Variants in DPYD observed in about 807,000 individuals in gnomAD.
DPYD encodes dihydropyrimidine dehydrogenase.
In DPYD, 109 loss-of-function variants were observed where a neutral mutation model predicts 116.2. The observed-to-expected ratio is 0.94, with a 90% CI of 0.80 to 1.10. DPYD has a LOEUF of 1.10. Ranked by LOEUF, DPYD falls within the 50% of genes least tolerant of loss-of-function variation. The pLI is 0.00. For synonymous variants in DPYD, 440 were observed against 432.0 expected (o/e 1.02, Z -0.23); for missense variants, 1,302 against 1,254.5 (o/e 1.04, Z -0.57).
At chr1:97,426,346 T>A (rs1674864549) in intron 14 of DPYD, among the ~76,000 whole-genome samples, 1 of 152,034 alleles carries the variant, frequency 6.6e-6, no homozygotes, top group Non-Finnish European at 1.5e-5. Context: ...AACTAGAGGA[T>A]GATACGTGGT....
chr1:97,566,042 C>T (rs1652496550), intron 11 of DPYD, among the ~76,000 whole-genome samples: 1 of 152,118 alleles, frequency 6.6e-6, no homozygotes, highest in South Asian at 2.1e-4. Context: ...CATAATCTCC[C>T]TGTGGCTTCC....
intron 8 of DPYD, among the ~76,000 whole-genome samples, chr1:97,674,541 T>A (rs1660037541): frequency 1.3e-5 from 2 of 151,522 alleles, no homozygotes; most frequent in Admixed American, 1.3e-4. Context: ...AGATGAACAA[T>A]CAGAAAGAGA....
chr1:97,804,933 T>C lies in DPYD; in HGVS notation c.233+23181A>G, dbSNP rs142046193. Among the ~76,000 whole-genome samples the C allele has an allele frequency of 2.3e-3, 347 of 152,008 alleles. 3 individuals carry two copies. The highest frequency in any genetic ancestry group is 8.1e-3 in the African/African-American group (336 of 41,540). ...ATATGAGGTAGCTGCAATTCTATTA[T>C]GGTTTTATAAAAAAGATAAATACTA... On this transcript the variant is annotated intron_variant, in intron 3 of 22. Transcript: ENST00000370192.
chr1:97,409,688 C>T (rs1673866380), intron 14 of DPYD, among the ~76,000 whole-genome samples: 1 of 152,158 alleles, frequency 6.6e-6, no homozygotes, highest in Non-Finnish European at 1.5e-5. Context: ...ACTTGAGAGA[C>T]TCTACCTTGG....
intron 16 of DPYD, among the ~76,000 whole-genome samples, chr1:97,335,783 C>T (rs1230052901): frequency 6.6e-6 from 1 of 152,136 alleles, no homozygotes; most frequent in East Asian, 1.9e-4. Context: ...ACAGTTGCTG[C>T]TTTACTTCAA....
intron 16 of DPYD, among the ~76,000 whole-genome samples, chr1:97,359,286 C>A (rs1670589847): frequency 6.6e-6 from 1 of 152,088 alleles, no homozygotes; most frequent in South Asian, 2.1e-4. Flanking sequence ...ACGAACAAAG[C>A]CTCCAAGAAA....
intron 19 of DPYD, among the ~76,000 whole-genome samples, chr1:97,228,882 G>A (rs1298756555): frequency 6.6e-6 from 1 of 152,086 alleles, no homozygotes; most frequent in African/African-American, 2.4e-5. Flanking sequence ...GTATGAAAAA[G>A]ATTCGAACTA....
intron 7 of DPYD, chr1:97,691,303 A>C (rs909281145): frequency 1.8e-5 from 3 of 170,456 alleles, no homozygotes; most frequent in Non-Finnish European, 3.8e-5. Flanking sequence ...CACACTACTG[A>C]CATGATGAAT....
At chr1:97,192,945 A>C (rs776604742) in intron 20 of DPYD, 124 bp downstream of exon 20, 11 of 1,102,554 alleles carry the variant, frequency 1.0e-5, no homozygotes, top group Non-Finnish European at 1.5e-5. Context: ...GAGTCCACTG[A>C]AGAAATCACA....
At chr1:97,652,569 A>C (rs1323738548) in intron 8 of DPYD, among the ~76,000 whole-genome samples, 1 of 152,200 alleles carries the variant, frequency 6.6e-6, no homozygotes, top group Non-Finnish European at 1.5e-5. Flanking sequence ...GATCTGAAGA[A>C]TTCAGAGTAA....
chr1:97,634,778 C>G (rs1251301479), intron 8 of DPYD, among the ~76,000 whole-genome samples: 2 of 151,892 alleles, frequency 1.3e-5, no homozygotes, highest in Non-Finnish European at 2.9e-5. Context: ...CACGTTTCTG[C>G]AAGGCATATA....
intron 3 of DPYD, among the ~76,000 whole-genome samples, chr1:97,808,890 T>C (rs1237836328): frequency 6.6e-6 from 1 of 152,188 alleles, no homozygotes; most frequent in Non-Finnish European, 1.5e-5. Context: ...AAAGTTTTCA[T>C]GTTTAATTTC....
intron 20 of DPYD, among the ~76,000 whole-genome samples, chr1:97,151,837 T>A (rs1655050074): frequency 6.6e-6 from 1 of 152,282 alleles, no homozygotes; most frequent in African/African-American, 2.4e-5. Flanking sequence ...CCAAAATGCA[T>A]TTTAAATTAA....
chr1:97,726,356 G>A lies in DPYD; in HGVS notation c.322-4685C>T, dbSNP rs1156661627. ...CTCCTTGACCTGACTTTCTGGTTTT[G>A]GATAATTTTACTTAATAATAATGAA... On this transcript the variant is annotated intron_variant, in intron 4 of 22. Coordinates refer to ENST00000370192, the MANE Select transcript of DPYD (RefSeq NM_000110.4). Among the ~76,000 whole-genome samples, 3 of 151,420 alleles carry A rather than the reference G, an allele frequency of 2.0e-5. No homozygotes were observed. In the Admixed American group the frequency reaches 2.0e-4, roughly 10 times the overall value.
intron 4 of DPYD, among the ~76,000 whole-genome samples, chr1:97,721,905 T>C (rs954785110): frequency 2.0e-5 from 3 of 151,680 alleles, no homozygotes; most frequent in Non-Finnish European, 4.4e-5. Context: ...TAATCAATTT[T>C]GGAAAACTGA....
chr1:97,227,153 CGTCTT>C (rs1362942732), intron 19 of DPYD, among the ~76,000 whole-genome samples: 6 of 151,286 alleles, frequency 4.0e-5, no homozygotes, highest in Non-Finnish European at 7.4e-5. Context: ...GTTGAAACCC[CGTCTT>C]TACAAAAAAT....
At chr1:97,481,286 G>A (rs1386186243) in intron 13 of DPYD, among the ~76,000 whole-genome samples, 1 of 151,988 alleles carries the variant, frequency 6.6e-6, no homozygotes, top group Admixed American at 6.6e-5. Context: ...TTAAAAGACT[G>A]ATAACATCCA....
At chr1:97,611,476 A>T (rs756916548) in intron 8 of DPYD, among the ~76,000 whole-genome samples, 6 of 152,102 alleles carry the variant, frequency 3.9e-5, no homozygotes, top group Non-Finnish European at 8.8e-5. Context: ...AAAATAAAAT[A>T]TCTTATTGTT....
intron 16 of DPYD, among the ~76,000 whole-genome samples, chr1:97,324,467 C>T (rs574539586): frequency 2.8e-4 from 42 of 152,122 alleles, no homozygotes; most frequent in South Asian, 2.1e-4. Context: ...CACACTTTTA[C>T]GGCAGGTGTA....
Sources: gnomAD v4.1 joint callset for allele counts (sites outside exome capture counted in the v4.1 genomes callset) on GRCh38, gnomAD v4.1.1 for gene constraint, MANE v1.5 for transcripts, NCBI Gene and HGNC (gene_info 2026-07-23, HGNC 2026-07-21) for gene names.